Variants in WWOX observed in about 807,000 individuals in gnomAD.
WWOX encodes the protein WW domain containing oxidoreductase, also known as WW domain-containing oxidoreductase.
Under a neutral mutation model 46.2 loss-of-function variants are expected in WWOX, and 69 were observed. The observed-to-expected ratio is 1.49, with a 90% CI of 1.23 to 1.82. The LOEUF (loss-of-function observed/expected upper bound fraction) is 1.82, where lower values mean the gene tolerates loss of function less well. Among genes scored for constraint, WWOX ranks in the 40% most tolerant of loss-of-function variants. WWOX has a pLI of 0.00. For missense variants in WWOX, 919 were observed against 542.6 expected (o/e 1.69, Z -6.89); for synonymous variants, 359 against 202.6 (o/e 1.77, Z -6.56).
At chr16:78,431,996 A>G (rs578245580) in intron 7 of WWOX, among the ~76,000 whole-genome samples, 2 of 152,174 alleles carry the variant, frequency 1.3e-5, no homozygotes, top group African/African-American at 2.4e-5. Flanking sequence ...GATTAGAGGC[A>G]TGAGCCACCA....
intron 8 of WWOX, among the ~76,000 whole-genome samples, chr16:78,912,202 G>A (rs868437205): frequency 6.6e-6 from 1 of 152,018 alleles, no homozygotes; most frequent in African/African-American, 2.4e-5. Flanking sequence ...CTTATTTATA[G>A]GAACTGAACA....
At chr16:78,564,093 A>G (rs2044505839) in intron 8 of WWOX, among the ~76,000 whole-genome samples, 1 of 152,224 alleles carries the variant, frequency 6.6e-6, no homozygotes, top group South Asian at 2.1e-4. Flanking sequence ...CCAAGAGCCA[A>G]CCTACAGACG....
At chr16:78,388,472 C>G (rs916552645) in intron 6 of WWOX, among the ~76,000 whole-genome samples, 1 of 151,544 alleles carries the variant, frequency 6.6e-6, no homozygotes, top group East Asian at 2.0e-4. Flanking sequence ...ATTGTGAAAC[C>G]CCATCTCTAC....
intron 8 of WWOX, among the ~76,000 whole-genome samples, chr16:78,669,391 C>G (rs939526247): frequency 7.2e-5 from 11 of 152,218 alleles, no homozygotes; most frequent in Non-Finnish European, 5.9e-5. Flanking sequence ...CCAGGGGCAG[C>G]ATTGCTCCCC....
chr16:79,162,628 T>G (rs774953688), intron 8 of WWOX, among the ~76,000 whole-genome samples: 1 of 152,210 alleles, frequency 6.6e-6, no homozygotes. Context: ...GCAAACAGTT[T>G]GCCCTTGGAC....
chr16:78,110,319 GACAGA>G (rs1389811289), intron 3 of WWOX, among the ~76,000 whole-genome samples: 13 of 128,308 alleles, frequency 1.0e-4, no homozygotes, highest in African/African-American at 4.1e-4. Flanking sequence ...CAGCCTGGGT[GACAGA>G]ATGAGACTCC....
chr16:78,481,771 G>GCA, intron 8 of WWOX, among the ~76,000 whole-genome samples: 1 of 151,018 alleles, frequency 6.6e-6, no homozygotes, highest in South Asian at 2.1e-4. Context: ...GTGTGCGCGC[G>GCA]CCTGCATGTG....
chr16:78,432,680 C>T lies in WWOX; in HGVS notation c.984C>T (p.Tyr328=), dbSNP rs758280575. The T allele has an allele frequency of 3.1e-6, 5 of 1,614,222 alleles. No individual in the cohort carries two copies. Among genetic ancestry groups the T allele is most frequent in the South Asian group, 2.2e-5 (2 of 91,084 alleles). ...SNAVHPGNMM[Y]SNIHRSWWVY... is the part of the protein sequence containing the mutation. ...CAGTGCATCCTGGAAATATGATGTA[C>T]TCCAACATTCATCGCAGCTGGTGGG... The change falls in exon 8 of 9, where the codon TAC becomes TAT. Residue 328 remains tyrosine, a synonymous_variant. Coordinates refer to ENST00000566780, the MANE Select transcript of WWOX (RefSeq NM_016373.4).
chr16:78,819,203 G>A (rs1427902595), intron 8 of WWOX, among the ~76,000 whole-genome samples: 1 of 152,168 alleles, frequency 6.6e-6, no homozygotes, highest in Non-Finnish European at 1.5e-5. Flanking sequence ...CAGGTGAAAT[G>A]AGCCCCGGCT....
intron 8 of WWOX, among the ~76,000 whole-genome samples, chr16:78,783,797 GGGTGAT>G (rs1320119850): frequency 1.3e-5 from 2 of 151,826 alleles, no homozygotes. Context: ...GGTGATAGGA[GGGTGAT>G]GGTGATGATG....
At chr16:78,557,653 G>GGCA (rs2044334472) in intron 8 of WWOX, among the ~76,000 whole-genome samples, 1 of 149,172 alleles carries the variant, frequency 6.7e-6, no homozygotes, top group Non-Finnish European at 1.5e-5. Flanking sequence ...ATTTTGCCCG[G>GGCA]AAATGCGACA....
intron 8 of WWOX, among the ~76,000 whole-genome samples, chr16:79,083,407 A>G (rs7202868): frequency 0.055 from 8,321 of 150,940 alleles, 760 homozygotes; most frequent in African/African-American, 0.2. Context: ...CACAGTCAAC[A>G]GAGCTTCCCT....
At chr16:78,137,339 C>T (rs2033830805) in intron 4 of WWOX, among the ~76,000 whole-genome samples, 2 of 152,176 alleles carry the variant, frequency 1.3e-5, no homozygotes, top group African/African-American at 4.8e-5. Flanking sequence ...CTTGCCAATT[C>T]TGGGGCCTGG....
chr16:78,819,067 G>T (rs937272859), intron 8 of WWOX, among the ~76,000 whole-genome samples: 4 of 152,188 alleles, frequency 2.6e-5, no homozygotes, highest in African/African-American at 9.7e-5. Flanking sequence ...TAGCACATGA[G>T]CAGGCCCATA....
chr16:79,197,423 C>G (rs2051262286), intron 8 of WWOX, among the ~76,000 whole-genome samples: 1 of 152,132 alleles, frequency 6.6e-6, no homozygotes, highest in African/African-American at 2.4e-5. Flanking sequence ...GTATTCATAC[C>G]ATGGGAATTG....
intron 8 of WWOX, among the ~76,000 whole-genome samples, chr16:78,745,522 C>CTTTTT (rs5818168): frequency 9.7e-5 from 9 of 92,744 alleles, no homozygotes; most frequent in East Asian, 3.1e-4. Context: ...TGTGGAAATC[C>CTTTTT]TTTTTTTTTT....
At chr16:78,931,996 G>C (rs973307433) in intron 8 of WWOX, among the ~76,000 whole-genome samples, 1 of 152,234 alleles carries the variant, frequency 6.6e-6, no homozygotes, top group Non-Finnish European at 1.5e-5. Flanking sequence ...TGCCATTTAA[G>C]ACATGTGTTT....
chr16:78,430,613 G>T (rs74030229), intron 7 of WWOX, among the ~76,000 whole-genome samples: 1,761 of 152,168 alleles, frequency 0.012, 28 homozygotes, highest in African/African-American at 0.04. Context: ...TTTTCAAATT[G>T]CCTGCTGAGT....
At chr16:78,632,392 A>G (rs1486898515) in intron 8 of WWOX, among the ~76,000 whole-genome samples, 3 of 151,888 alleles carry the variant, frequency 2.0e-5, no homozygotes, top group African/African-American at 7.3e-5. Context: ...CTACCTCCGT[A>G]TTTGAGTCCT....
Sources: gnomAD v4.1 joint callset for allele counts (sites outside exome capture counted in the v4.1 genomes callset) on GRCh38, gnomAD v4.1.1 for gene constraint, MANE v1.5 for transcripts, NCBI Gene and HGNC (gene_info 2026-07-23, HGNC 2026-07-21) for gene names.